Variants in MBNL1 observed in about 807,000 individuals in gnomAD.
MBNL1 encodes the protein muscleblind-like protein 1.
Under a neutral mutation model 42.2 loss-of-function variants are expected in MBNL1, and 8 were observed. The observed-to-expected ratio is 0.19, with a 90% CI of 0.11 to 0.34. The LOEUF (loss-of-function observed/expected upper bound fraction) is 0.34, where lower values mean the gene tolerates loss of function less well. Among genes scored for constraint, MBNL1 ranks in the 10% least tolerant of loss-of-function variants. The probability of loss-of-function intolerance (pLI) is 1.00; values close to 1 mark genes in which losing one functional copy is unlikely to be tolerated. For synonymous variants in MBNL1, 169 were observed against 173.9 expected, an observed-to-expected ratio of 0.97 and a Z score of 0.22; for missense variants, 309 against 495.3, an observed-to-expected ratio of 0.62 and a Z score of 3.57.
chr3:152,336,780 A>AT (rs1363203936), intron 2 of MBNL1, among the ~76,000 whole-genome samples: 1 of 152,134 alleles, frequency 6.6e-6, no homozygotes, highest in African/African-American at 2.4e-5. Context: ...GGAGAAATCA[A>AT]TTTTCCCAAC....
chr3:152,446,612 C>T, intron 5 of MBNL1: 1 of 885,896 alleles, frequency 1.1e-6, no homozygotes, highest in Non-Finnish European at 1.8e-6. Flanking sequence ...TGCACTGCTG[C>T]CCCCATGATG....
chr3:152,442,533 A>G (rs2099158281), intron 4 of MBNL1, among the ~76,000 whole-genome samples: 2 of 152,196 alleles, frequency 1.3e-5, no homozygotes, highest in Admixed American at 1.3e-4. Flanking sequence ...AAATGTTATA[A>G]TTTCTTATCC....
chr3:152,249,930 G>T (rs1425885187), intron 2 of MBNL1, among the ~76,000 whole-genome samples: 1 of 147,768 alleles, frequency 6.8e-6, no homozygotes, highest in Non-Finnish European at 1.5e-5. Context: ...GATAGTTGTA[G>T]ATATGTGGCG....
chr3:152,296,733 T>C (rs1174748152), intron 1 of MBNL1, among the ~76,000 whole-genome samples: 1 of 151,786 alleles, frequency 6.6e-6, no homozygotes, highest in Admixed American at 6.6e-5. Context: ...TGTTCATGTG[T>C]TGTATTCATA....
At chr3:152,344,659 C>T (rs1261061891) in intron 2 of MBNL1, among the ~76,000 whole-genome samples, 2 of 152,106 alleles carry the variant, frequency 1.3e-5, no homozygotes, top group Admixed American at 6.6e-5. Context: ...AAATTAAGCA[C>T]TAAGTTAATA....
At chr3:152,316,313 G>C (rs1228219746) in intron 2 of MBNL1, among the ~76,000 whole-genome samples, 4 of 152,212 alleles carry the variant, frequency 2.6e-5, no homozygotes, top group Non-Finnish European at 4.4e-5. Context: ...TGAAAGTAGA[G>C]AGTGTAAGAG....
At chr3:152,345,929 T>C (rs959460012) in intron 2 of MBNL1, among the ~76,000 whole-genome samples, 1 of 152,176 alleles carries the variant, frequency 6.6e-6, no homozygotes, top group Non-Finnish European at 1.5e-5. Flanking sequence ...AGAACAGTGT[T>C]CAATAGGCTG....
At chr3:152,326,038 C>CA (rs1438370509) in intron 2 of MBNL1, among the ~76,000 whole-genome samples, 3 of 152,102 alleles carry the variant, frequency 2.0e-5, no homozygotes, top group Non-Finnish European at 2.9e-5. Flanking sequence ...CCTATCATGT[C>CA]ACTTATACTT....
At position 152,334,602 on chromosome 3, in the gene MBNL1, C is replaced by T. The variant is rs144409716; in HGVS notation, c.174+34235C>T. ...TTGATTATGAAAACATTAGAATTTT[C>T]AGTAAAATTGTTTCTGTGCCAAGAT... On this transcript the variant is annotated intron_variant, in intron 2 of 9. Transcript: ENST00000324210. 3.6e-4 allele frequency among the ~76,000 whole-genome samples: 55 copies of T among 152,230 alleles called. No homozygotes were observed. The East Asian group carries it at 7.9e-3, about 22-fold the overall frequency.
intron 2 of MBNL1, among the ~76,000 whole-genome samples, chr3:152,401,925 G>T (rs1388576376): frequency 6.6e-6 from 1 of 151,848 alleles, no homozygotes; most frequent in South Asian, 2.1e-4. Context: ...CCACCTACTC[G>T]GGAGGCTGAG....
intron 2 of MBNL1, among the ~76,000 whole-genome samples, chr3:152,344,372 G>A (rs1393884911): frequency 1.3e-5 from 2 of 152,106 alleles, no homozygotes; most frequent in African/African-American, 4.8e-5. Flanking sequence ...GCAAAGTTTA[G>A]TGGTTGCCAC....
intron 7 of MBNL1, 103 bp downstream of exon 7, chr3:152,455,680 A>G: frequency 9.8e-7 from 1 of 1,017,818 alleles, no homozygotes; most frequent in Non-Finnish European, 1.5e-6. Flanking sequence ...GGGCAAGTCC[A>G]TTTCCCTTTT....
In MBNL1 at chr3:152,300,375, A is replaced by G; in HGVS notation, c.174+8A>G. 1 of 1,610,112 alleles carries G rather than the reference A, an allele frequency of 6.2e-7. No homozygotes were observed. The highest frequency in any genetic ancestry group is 1.1e-5 in the South Asian group (1 of 90,952). On this transcript the variant is annotated splice_region_variant and intron_variant, in intron 2 of 9. Coordinates refer to ENST00000324210, the MANE Select transcript of MBNL1 (RefSeq NM_021038.5). ...TGCTTTGATTCATTGAAAGTGAGTA[A>G]CTATTATATTCTTTTAAGGATATTC...
At chr3:152,275,153 C>T (rs569427543) in intron 1 of MBNL1, among the ~76,000 whole-genome samples, 14 of 152,154 alleles carry the variant, frequency 9.2e-5, no homozygotes, top group African/African-American at 3.1e-4. Context: ...TCTTTGTGGA[C>T]GGATAACTCT....
At chr3:152,363,608 G>GAA (rs1462164483) in intron 2 of MBNL1, among the ~76,000 whole-genome samples, 1 of 152,156 alleles carries the variant, frequency 6.6e-6, no homozygotes, top group African/African-American at 2.4e-5. Flanking sequence ...CTTACCAAAT[G>GAA]CTGAGCGTAT....
chr3:152,313,189 A>G (rs984793170), intron 2 of MBNL1, among the ~76,000 whole-genome samples: 3 of 151,172 alleles, frequency 2.0e-5, no homozygotes, highest in African/African-American at 7.3e-5. Flanking sequence ...CACCTGGCTG[A>G]TTTTTTTTTA....
chr3:152,279,430 CAT>C (rs2047123079), intron 1 of MBNL1, among the ~76,000 whole-genome samples: 1 of 152,034 alleles, frequency 6.6e-6, no homozygotes, highest in Admixed American at 6.6e-5. Flanking sequence ...ATGTTTATGA[CAT>C]AGTAATTTTA....
chr3:152,465,729 G>A lies in MBNL1; in HGVS notation c.*3363G>A, dbSNP rs1396793396. On this transcript the variant is annotated 3_prime_UTR_variant, in exon 10 of 10. Coordinates refer to ENST00000324210, the MANE Select transcript of MBNL1 (RefSeq NM_021038.5). ...TATTACTGCAGTAGTTGACTTTGCT[G>A]TATGGAAAAATAAAGTGAAATTGCC... 6.6e-6 allele frequency: 1 copy of A among 152,474 alleles called. No homozygotes were observed. The allele number at this position is 152,474 out of a possible 1,614,324, so 9.4% of individuals were successfully genotyped here.
intron 2 of MBNL1, among the ~76,000 whole-genome samples, chr3:152,336,058 CA>C (rs2089881834): frequency 6.6e-6 from 1 of 152,112 alleles, no homozygotes; most frequent in Non-Finnish European, 1.5e-5. Flanking sequence ...TAACTGTGAG[CA>C]CATTCATCAA....
Sources: allele counts gnomAD v4.1 joint callset (sites outside exome capture counted in the v4.1 genomes callset), GRCh38; gene constraint gnomAD v4.1.1; transcripts MANE v1.5; gene names NCBI Gene and HGNC (gene_info 2026-07-23, HGNC 2026-07-21).